The following PITPNM2 variants were observed in gnomAD, a reference collection of about 807,000 sequenced individuals.
PITPNM2 encodes membrane-associated phosphatidylinositol transfer protein 2.
PITPNM2 carries 35 observed loss-of-function variants against 132.2 expected under a neutral mutation model. The observed-to-expected ratio is 0.26, with a 90% CI of 0.20 to 0.35. The LOEUF is 0.35. Ranked by LOEUF, PITPNM2 falls within the 10% of genes least tolerant of loss-of-function variation. The probability of loss-of-function intolerance (pLI) is 1.00; values close to 1 mark genes in which losing one functional copy is unlikely to be tolerated. For synonymous variants in PITPNM2, 738 were observed against 799.2 expected, an observed-to-expected ratio of 0.92 and a Z score of 1.29; for missense variants, 1,332 against 1,912.0, an observed-to-expected ratio of 0.70 and a Z score of 5.66.
At chr12:123,110,743 G>C (rs1480321319) in intron 1 of PITPNM2, among the ~76,000 whole-genome samples, 1 of 152,222 alleles carries the variant, frequency 6.6e-6, no homozygotes, top group East Asian at 1.9e-4. Flanking sequence ...TGCTCAGGGA[G>C]TGGGAACTGA....
rs1051692602 is a variant in PITPNM2 at position 123,150,410 on chromosome 12, C to T, written c.-200+343G>A. Among the ~76,000 whole-genome samples the T allele has an allele frequency of 7.3e-5, 11 of 151,622 alleles. No individual in the cohort carries two copies. The highest frequency in any genetic ancestry group is 4.4e-5 in the Non-Finnish European group (3 of 67,898). The stretch of plus-strand genomic sequence containing the variant: ...CTCGCCCTGGCACCGGCACTGCCCA[C>T]GCCTGCCCCCCGACCGCTATGACAC... On this transcript the variant is annotated intron_variant, in intron 1 of 25. Coordinates refer to ENST00000320201, the MANE Select transcript of PITPNM2 (RefSeq NM_020845.3). This position sits in a 1 kb window ranked among gnomAD's most constrained non-coding sequence, Gnocchi z 6.0.
Position 123,036,827 on chromosome 12 carries a change from A to G in PITPNM2, c.-95-2142T>C, listed in dbSNP as rs924411670. ...GGTGGCCCCAGGCCCTGCTATATCC[A>G]TAAGGACTCTTGCTAGGAGGGGCTT... On this transcript the variant is annotated intron_variant, in intron 2 of 25. Coordinates refer to ENST00000320201, the MANE Select transcript of PITPNM2 (RefSeq NM_020845.3). This position sits in a 1 kb window ranked among gnomAD's most constrained non-coding sequence, Gnocchi z 4.1. Among the ~76,000 whole-genome samples, 3 of 152,102 alleles carry G rather than the reference A, an allele frequency of 2.0e-5. No homozygotes were observed. In the East Asian group the frequency reaches 5.8e-4, roughly 29 times the overall value.
intron 3 of PITPNM2, among the ~76,000 whole-genome samples, chr12:123,014,311 G>A (rs751486120): frequency 2.0e-5 from 3 of 152,174 alleles, no homozygotes; most frequent in Admixed American, 6.5e-5. Context: ...GACTAAAAGC[G>A]TTCCCAAGAT....
rs1227547648 is a variant in PITPNM2 at position 123,031,715 on chromosome 12, T to C, written c.78+2798A>G. 6.6e-6 allele frequency among the ~76,000 whole-genome samples: 1 copy of C among 152,184 alleles called. No homozygotes were observed. The highest frequency in any genetic ancestry group is 1.5e-5 in the Non-Finnish European group (1 of 68,032). On this transcript the variant is annotated intron_variant, in intron 3 of 25. Transcript: ENST00000320201. This position sits in a 1 kb window ranked among gnomAD's most constrained non-coding sequence, Gnocchi z 4.5. ...GCCTGAGCAGGAACACCAACAGCCT[T>C]GCCCCCAATCTCCCCTCCAAGCATG...
chr12:123,101,392 C>T (rs73413230), intron 2 of PITPNM2, among the ~76,000 whole-genome samples: 6,534 of 152,110 alleles, frequency 0.043, 463 homozygotes, highest in African/African-American at 0.15. Context: ...ATATCCACAG[C>T]GAAGTATCAA....
At chr12:123,100,626 C>CAA (rs1249651394) in intron 2 of PITPNM2, among the ~76,000 whole-genome samples, 57 of 123,702 alleles carry the variant, frequency 4.6e-4, no homozygotes, top group African/African-American at 1.6e-3. Context: ...ACTCCGTCTC[C>CAA]AAAAAAAAAA....
At chr12:123,121,531 CT>C (rs1220935499) in intron 1 of PITPNM2, among the ~76,000 whole-genome samples, 1 of 151,960 alleles carries the variant, frequency 6.6e-6, no homozygotes, top group Non-Finnish European at 1.5e-5. Flanking sequence ...ACCATAATAA[CT>C]TTTTTATTTT....
rs2137158047 is a variant in PITPNM2, at chr12:123,095,388, C to A, written c.-96+14997G>T. Reference sequence around the variant, plus strand: ...CTGCGCTGCCATCTTTAGAAACAATCATTTCTTGGGCGTGCACCCACATGT... The same window carrying A: ...CTGCGCTGCCATCTTTAGAAACAATAATTTCTTGGGCGTGCACCCACATGT... On this transcript the variant is annotated intron_variant, in intron 2 of 25. Transcript: ENST00000320201. The surrounding 1 kb of genome is among the most constrained non-coding windows in gnomAD (Gnocchi z 5.0). Among the ~76,000 whole-genome samples, 1 of 152,298 alleles carries A rather than the reference C, an allele frequency of 6.6e-6. No homozygotes were observed. The highest frequency in any genetic ancestry group is 1.9e-4 in the East Asian group (1 of 5,180).
At position 123,083,541 on chromosome 12, in the gene PITPNM2, T is replaced by C. The variant is rs965875513; in HGVS notation, c.-96+26844A>G. 1 of 152,256 alleles carries C rather than the reference T, an allele frequency of 6.6e-6. No individual in the cohort carries two copies. Among genetic ancestry groups the C allele is most frequent in the Non-Finnish European group, 1.5e-5 (1 of 68,060 alleles). The allele number at this position is 152,256 out of a possible 1,614,324, so 9.4% of individuals were successfully genotyped here. A position where few individuals can be genotyped will look rare whatever the true frequency, so the allele number is the denominator to read the frequency against. On this transcript the variant is annotated intron_variant, in intron 2 of 25. Coordinates refer to ENST00000320201, the MANE Select transcript of PITPNM2 (RefSeq NM_020845.3). This position sits in a 1 kb window ranked among gnomAD's most constrained non-coding sequence, Gnocchi z 4.5. ...CGTGGCAGGACGCCCCACTTGATGG[T>C]AGGCTTCTCCCAGATGGCTAACTGC...
Position 123,009,174 on chromosome 12 carries a change from G to A in PITPNM2, c.643+676C>T, listed in dbSNP as rs997091499. On this transcript the variant is annotated intron_variant, in intron 6 of 25. Transcript: ENST00000320201. The surrounding 1 kb of genome is among the most constrained non-coding windows in gnomAD (Gnocchi z 4.8). ...TGGCATCACAAGGTGTCTGGCTGGG[G>A]TGCCTTTTGGGTCATGGGCCTCAGG... Among the ~76,000 whole-genome samples, 2 of 152,186 alleles carry A rather than the reference G, an allele frequency of 1.3e-5. No homozygotes were observed. Among genetic ancestry groups the A allele is most frequent in the African/African-American group, 4.8e-5 (2 of 41,440 alleles).
At chr12:123,048,666 C>A (rs192271576) in intron 2 of PITPNM2, among the ~76,000 whole-genome samples, 40 of 152,244 alleles carry the variant, frequency 2.6e-4, no homozygotes, top group African/African-American at 9.1e-4. Flanking sequence ...CCCGCCTCGG[C>A]CTCCCAAAGT....
intron 4 of PITPNM2, among the ~76,000 whole-genome samples, 158 bp downstream of exon 4, chr12:123,013,670 C>T (rs1474902006): frequency 1.3e-5 from 2 of 152,212 alleles, no homozygotes; most frequent in African/African-American, 4.8e-5. Flanking sequence ...AGGTGACCTT[C>T]GGGGCACCTG....
At position 123,108,555 on chromosome 12, in the gene PITPNM2, G is replaced by A. The variant is rs543327121; in HGVS notation, c.-96+1830C>T. The stretch of plus-strand genomic sequence containing the variant: ...CAGAACCCGAGTGACCCCTGGAGAA[G>A]CTGCAAGTCAGGGCTGAGTGTTACT... On this transcript the variant is annotated intron_variant, in intron 2 of 25. Transcript: ENST00000320201. This position sits in a 1 kb window ranked among gnomAD's most constrained non-coding sequence, Gnocchi z 4.4. 1.3e-5 allele frequency among the ~76,000 whole-genome samples: 2 copies of A among 152,286 alleles called. No individual in the cohort carries two copies. Among genetic ancestry groups the A allele is most frequent in the South Asian group, 2.1e-4 (1 of 4,824 alleles).
At chr12:123,119,653 T>C (rs12318090) in intron 1 of PITPNM2, among the ~76,000 whole-genome samples, 21,202 of 152,084 alleles carry the variant, frequency 0.14, 4,854 homozygotes, top group African/African-American at 0.48. Context: ...CCACCGCGCC[T>C]GGCTGAGGAT....
chr12:123,029,359 G>C (rs1592957006), intron 3 of PITPNM2, among the ~76,000 whole-genome samples: 1 of 152,212 alleles, frequency 6.6e-6, no homozygotes, highest in African/African-American at 2.4e-5. Flanking sequence ...GAGACTGTGG[G>C]TGGATCACCT....
At chr12:123,021,543 G>A (rs906658956) in intron 3 of PITPNM2, 26 of 618,390 alleles carry the variant, frequency 4.2e-5, no homozygotes, top group Non-Finnish European at 3.8e-5. Flanking sequence ...TCAAAATGCT[G>A]GGATTACAGG....
At chr12:123,059,398 G>T (rs4148860) in intron 2 of PITPNM2, among the ~76,000 whole-genome samples, 5 of 152,244 alleles carry the variant, frequency 3.3e-5, no homozygotes, top group Non-Finnish European at 7.3e-5. Context: ...ATGCCCACAA[G>T]GCTCTGTGAC....
chr12:123,030,351 T>C (rs902385463), intron 3 of PITPNM2, among the ~76,000 whole-genome samples: 1 of 152,196 alleles, frequency 6.6e-6, no homozygotes, highest in Admixed American at 6.5e-5. Flanking sequence ...AGCGTCACCA[T>C]GTGACCCAGA....
chr12:123,120,768 G>A (rs931845507), intron 1 of PITPNM2, among the ~76,000 whole-genome samples: 5 of 152,110 alleles, frequency 3.3e-5, no homozygotes, highest in African/African-American at 1.2e-4. Flanking sequence ...GCCCCAGCAG[G>A]GACAACCTCT....
Sources: gnomAD v4.1 joint callset for allele counts (sites outside exome capture counted in the v4.1 genomes callset) on GRCh38, gnomAD v4.1.1 for gene constraint, Gnocchi (gnomAD v3.1) non-coding constraint, MANE v1.5 for transcripts, NCBI Gene and HGNC (gene_info 2026-07-23, HGNC 2026-07-21) for gene names.